Variants in POU2F3 observed in about 807,000 individuals in gnomAD.
The protein encoded by POU2F3 is POU class 2 homeobox 3.
POU2F3 carries 23 observed loss-of-function variants against 59.2 expected under a neutral mutation model. The observed-to-expected ratio is 0.39, with a 90% confidence interval of 0.28 to 0.55. POU2F3 has a LOEUF of 0.55. POU2F3 is among the 20% of genes least tolerant of loss of function. The probability of loss-of-function intolerance (pLI) is 0.66; values close to 1 mark genes in which losing one functional copy is unlikely to be tolerated. For missense variants in POU2F3, 473 were observed against 544.5 expected (o/e 0.87, Z 1.31); for synonymous variants, 190 against 214.6 (o/e 0.89, Z 1.00).
intron 3 of POU2F3, among the ~76,000 whole-genome samples, chr11:120,293,456 T>C (rs1425837829): frequency 2.0e-5 from 3 of 152,152 alleles, no homozygotes; most frequent in Non-Finnish European, 4.4e-5. Context: ...ATCCTTTATA[T>C]ATCAGTTACA....
At chr11:120,267,626 C>T (rs1320299804) in intron 2 of POU2F3, among the ~76,000 whole-genome samples, 2 of 150,702 alleles carry the variant, frequency 1.3e-5, no homozygotes, top group African/African-American at 2.5e-5. Flanking sequence ...TAGGACACAG[C>T]TGAGGAAAAG....
intron 10 of POU2F3, among the ~76,000 whole-genome samples, chr11:120,313,340 G>C (rs979414849): frequency 1.3e-5 from 2 of 152,204 alleles, no homozygotes; most frequent in Non-Finnish European, 2.9e-5. Flanking sequence ...GAAAGCACTG[G>C]GGGTGCACCA....
chr11:120,250,908 C>CAGAGGT (rs922667786), intron 2 of POU2F3, among the ~76,000 whole-genome samples: 1 of 151,448 alleles, frequency 6.6e-6, no homozygotes, highest in African/African-American at 2.4e-5. Context: ...AGCCAGGAGG[C>CAGAGGT]AGAGGTTGCA....
At chr11:120,283,533 G>A (rs1463515946) in intron 3 of POU2F3, among the ~76,000 whole-genome samples, 1 of 152,114 alleles carries the variant, frequency 6.6e-6, no homozygotes, top group East Asian at 1.9e-4. Flanking sequence ...TACCACCTGG[G>A]AAGCAACGAG....
At chr11:120,308,190 T>C (rs1050447339) in intron 9 of POU2F3, among the ~76,000 whole-genome samples, 1 of 152,194 alleles carries the variant, frequency 6.6e-6, no homozygotes, top group African/African-American at 2.4e-5. Flanking sequence ...AGCAAAAGCA[T>C]GTTTTTGAGC....
rs144893394 is a variant in POU2F3, at chr11:120,288,925, T to C, written c.133-9340T>C. ...GTACCTTTAAACCTCTCAAGACACC[T>C]TTTTCACAGGCAAAAGAAGCAGCTC... On this transcript the variant is annotated intron_variant, in intron 3 of 12. Coordinates refer to ENST00000543440, the MANE Select transcript of POU2F3 (RefSeq NM_014352.4). 2.0e-3 allele frequency among the ~76,000 whole-genome samples: 293 copies of C among 148,568 alleles called. 1 individual carries two copies. The highest frequency in any genetic ancestry group is 6.9e-3 in the African/African-American group (281 of 40,624).
chr11:120,315,453 AG>A, intron 11 of POU2F3, 26 bp downstream of exon 11: 1 of 1,588,294 alleles, frequency 6.3e-7, no homozygotes. Context: ...AGATTTCTGA[AG>A]AACACCAGAA....
intron 3 of POU2F3, among the ~76,000 whole-genome samples, chr11:120,279,940 G>A (rs909763929): frequency 6.6e-5 from 10 of 152,218 alleles, no homozygotes; most frequent in Non-Finnish European, 1.0e-4. Flanking sequence ...GATGGGTAGC[G>A]GAGACCGAAT....
chr11:120,280,883 G>T (rs1940538492), intron 3 of POU2F3, among the ~76,000 whole-genome samples: 1 of 152,142 alleles, frequency 6.6e-6, no homozygotes, highest in African/African-American at 2.4e-5. Context: ...CACCCAAAGA[G>T]GGTTCCCCTG....
rs749699920 is a variant in POU2F3 at position 120,302,351 on chromosome 11, C to T, written c.427C>T (p.Pro143Ser). The change falls in exon 6 of 13, where the codon CCG becomes TCG. Residue 143 changes from proline (P) to serine (S), a missense_variant. By Grantham distance (74) the Pro-to-Ser change is moderately conservative (BLOSUM62 -1). Coordinates refer to ENST00000543440, the MANE Select transcript of POU2F3 (RefSeq NM_014352.4). ...CGGTCTCCTCCTCCCACAGACTGGG[C>T]CGGGACTGGCATCCCAGGTAAACAA... is the stretch of plus-strand genomic sequence containing the variant. ...QSGLLLPQTG[P>S]GLASQAFGHP... The T allele has an allele frequency of 1.9e-6, 3 of 1,609,392 alleles. No homozygotes were observed. Among genetic ancestry groups the T allele is most frequent in the Admixed American group, 3.3e-5 (2 of 60,000 alleles).
chr11:120,236,666 C>T (rs1160966109), upstream of POU2F3: 6 of 1,500,876 alleles, frequency 4.0e-6, no homozygotes, highest in Admixed American at 2.0e-5. Flanking sequence ...GCTCAAAAAA[C>T]CGGTTTCATG....
intron 1 of POU2F3, among the ~76,000 whole-genome samples, chr11:120,245,189 G>A (rs1356202271): frequency 1.3e-5 from 2 of 152,068 alleles, no homozygotes; most frequent in African/African-American, 2.4e-5. Context: ...GTCTTGTTTG[G>A]CATCGAAGCT....
chr11:120,242,149 G>GCCT (rs1938691738), intron 1 of POU2F3, among the ~76,000 whole-genome samples: 1 of 152,172 alleles, frequency 6.6e-6, no homozygotes, highest in African/African-American at 2.4e-5. Context: ...GGGCTACCTG[G>GCCT]CCTCCCTGTG....
At chr11:120,256,248 A>T (rs938393340) in intron 2 of POU2F3, 1 of 152,216 alleles carries the variant, frequency 6.6e-6, no homozygotes, top group African/African-American at 2.4e-5. Context: ...GTAGTTACTT[A>T]AAGGCTATCT....
intron 2 of POU2F3, among the ~76,000 whole-genome samples, chr11:120,255,546 A>G (rs1184674313): frequency 6.6e-6 from 1 of 151,932 alleles, no homozygotes; most frequent in Non-Finnish European, 1.5e-5. Flanking sequence ...GAGGATGATT[A>G]AGGTTTTCTT....
intron 3 of POU2F3, among the ~76,000 whole-genome samples, chr11:120,275,436 A>G (rs1447877546): frequency 6.6e-6 from 1 of 152,112 alleles, no homozygotes; most frequent in Non-Finnish European, 1.5e-5. Context: ...CTTCAGAAGA[A>G]AACTGGGAGG....
chr11:120,264,845 A>G (rs1316065020), intron 2 of POU2F3, among the ~76,000 whole-genome samples: 3 of 152,230 alleles, frequency 2.0e-5, no homozygotes, highest in Non-Finnish European at 4.4e-5. Flanking sequence ...ACAGCATCTT[A>G]CAGGAGTAGA....
intron 2 of POU2F3, among the ~76,000 whole-genome samples, chr11:120,253,942 T>C (rs911862878): frequency 6.6e-6 from 1 of 152,184 alleles, no homozygotes; most frequent in African/African-American, 2.4e-5. Flanking sequence ...GGTCCCAGTC[T>C]GTCCTTTGCT....
upstream of POU2F3, among the ~76,000 whole-genome samples, chr11:120,239,417 G>A (rs975240284): frequency 7.9e-5 from 12 of 152,126 alleles, no homozygotes; most frequent in Non-Finnish European, 1.2e-4. Context: ...CCGCTTCCCC[G>A]CTCTGGAAGG....
Sources: gnomAD v4.1 joint callset for allele counts (sites outside exome capture counted in the v4.1 genomes callset) on GRCh38, gnomAD v4.1.1 for gene constraint, MANE v1.5 for transcripts, NCBI Gene and HGNC (gene_info 2026-07-23, HGNC 2026-07-21) for gene names.